The following PLXDC2 variants were observed in gnomAD, a reference collection of about 807,000 sequenced individuals.
PLXDC2 encodes the protein plexin domain-containing protein 2.
Under a neutral mutation model 68.9 loss-of-function variants are expected in PLXDC2, and 40 were observed. The observed-to-expected ratio is 0.58, with a 90% CI of 0.45 to 0.76. The LOEUF is 0.76. PLXDC2 is among the 30% of genes least tolerant of loss of function. The pLI is 0.00. For synonymous variants in PLXDC2, 243 were observed against 234.2 expected (o/e 1.04, Z -0.34); for missense variants, 644 against 661.9 (o/e 0.97, Z 0.30).
chr10:20,164,964 C>T (rs143868531), intron 7 of PLXDC2, among the ~76,000 whole-genome samples: 56 of 152,090 alleles, frequency 3.7e-4, no homozygotes, highest in African/African-American at 1.3e-3. Context: ...CACGGGCATG[C>T]GCTATCATGC....
intron 3 of PLXDC2, among the ~76,000 whole-genome samples, chr10:20,053,308 T>C (rs1835936004): frequency 6.6e-6 from 1 of 152,146 alleles, no homozygotes; most frequent in African/African-American, 2.4e-5. Flanking sequence ...AAACAGATGC[T>C]AAAACCTAAG....
intron 9 of PLXDC2, among the ~76,000 whole-genome samples, chr10:20,205,230 TG>T (rs1478143903): frequency 6.6e-6 from 1 of 152,116 alleles, no homozygotes; most frequent in South Asian, 2.1e-4. Flanking sequence ...GTATGTTCCC[TG>T]GGGGCTTTGA....
chr10:19,823,185 G>A (rs79141601), intron 1 of PLXDC2, among the ~76,000 whole-genome samples: 9,401 of 151,792 alleles, frequency 0.062, 360 homozygotes, highest in East Asian at 0.11. Context: ...CAAAGTGCTG[G>A]GATGTTTACT....
intron 1 of PLXDC2, among the ~76,000 whole-genome samples, chr10:19,839,259 T>C (rs894476788): frequency 2.6e-5 from 4 of 152,012 alleles, no homozygotes; most frequent in African/African-American, 9.7e-5. Context: ...TCTAGAAAGC[T>C]TGTCCAACCC....
intron 13 of PLXDC2, among the ~76,000 whole-genome samples, chr10:20,256,333 A>G (rs1206491149): frequency 6.6e-6 from 1 of 151,528 alleles, no homozygotes; most frequent in Admixed American, 6.6e-5. Flanking sequence ...GGATTTTACC[A>G]TGTTGGCCAG....
chr10:20,053,758 A>C (rs957386662), intron 3 of PLXDC2, among the ~76,000 whole-genome samples: 1 of 152,074 alleles, frequency 6.6e-6, no homozygotes, highest in Non-Finnish European at 1.5e-5. Context: ...CAGTGTTTGA[A>C]GTTAGGAGAC....
intron 9 of PLXDC2, among the ~76,000 whole-genome samples, chr10:20,178,128 A>G (rs1051812095): frequency 2.6e-5 from 4 of 152,174 alleles, no homozygotes; most frequent in African/African-American, 4.8e-5. Flanking sequence ...TTTCTATGCA[A>G]TATCTCAAAG....
chr10:20,148,178 G>A (rs559451199), intron 6 of PLXDC2, among the ~76,000 whole-genome samples: 1 of 151,944 alleles, frequency 6.6e-6, no homozygotes, highest in South Asian at 2.1e-4. Flanking sequence ...AGTAATTAGA[G>A]TGAAATGTCT....
intron 12 of PLXDC2, among the ~76,000 whole-genome samples, chr10:20,232,133 A>C (rs1486785086): frequency 6.6e-6 from 1 of 152,252 alleles, no homozygotes; most frequent in Admixed American, 6.5e-5. Flanking sequence ...AGAAAATATA[A>C]ATAACTCCTA....
intron 6 of PLXDC2, among the ~76,000 whole-genome samples, chr10:20,149,311 T>C (rs1161748959): frequency 1.6e-5 from 2 of 128,312 alleles, no homozygotes; most frequent in Non-Finnish European, 3.2e-5. Context: ...AGATCTTGCC[T>C]CACCATAACC....
intron 13 of PLXDC2, among the ~76,000 whole-genome samples, chr10:20,257,997 C>CTTT (rs550997528): frequency 4.0e-3 from 335 of 83,772 alleles, no homozygotes; most frequent in Non-Finnish European, 5.0e-3. Flanking sequence ...TTTTTTCTTT[C>CTTT]TTTTTTTTTT....
At chr10:20,260,715 A>G (rs980928961) in intron 13 of PLXDC2, among the ~76,000 whole-genome samples, 2 of 152,230 alleles carry the variant, frequency 1.3e-5, no homozygotes, top group African/African-American at 4.8e-5. Flanking sequence ...TATATCCAGC[A>G]GTGAGGTTGC....
chr10:20,272,182 T>C (rs1300863976), intron 13 of PLXDC2, among the ~76,000 whole-genome samples: 1 of 152,176 alleles, frequency 6.6e-6, no homozygotes, highest in African/African-American at 2.4e-5. Flanking sequence ...AAAATGAGCC[T>C]CAGAAGGAAA....
intron 4 of PLXDC2, among the ~76,000 whole-genome samples, chr10:20,105,603 T>C (rs890760444): frequency 2.6e-5 from 4 of 152,212 alleles, no homozygotes; most frequent in Non-Finnish European, 5.9e-5. Flanking sequence ...ATTCACAAAG[T>C]GGATTGTCAA....
intron 1 of PLXDC2, among the ~76,000 whole-genome samples, chr10:19,916,540 A>G (rs1366938280): frequency 6.6e-6 from 1 of 152,148 alleles, no homozygotes; most frequent in Non-Finnish European, 1.5e-5. Context: ...TACAATGGTA[A>G]TGGTAGCCAA....
chr10:20,042,168 C>T (rs1835694664), intron 2 of PLXDC2, among the ~76,000 whole-genome samples: 1 of 152,076 alleles, frequency 6.6e-6, no homozygotes, highest in South Asian at 2.1e-4. Context: ...GTAGTGGGTT[C>T]ATCTCTGTAA....
At chr10:20,157,633 GAC>G (rs1834234381) in intron 6 of PLXDC2, among the ~76,000 whole-genome samples, 1 of 152,152 alleles carries the variant, frequency 6.6e-6, no homozygotes, top group African/African-American at 2.4e-5. Context: ...TTCTGTCTTT[GAC>G]TCTCCTTCCA....
chr10:20,227,550 A>G lies in PLXDC2; in HGVS notation c.1312+8448A>G, dbSNP rs1436159997. On this transcript the variant is annotated intron_variant, in intron 12 of 13. Coordinates refer to ENST00000377252, the MANE Select transcript of PLXDC2 (RefSeq NM_032812.9). ...TTTGATTTTCCTGGGGTAAAGTTATATACATAGTGCTTTAAGGCTGGTGAG... is the reference window on the plus strand; with the variant it reads ...TTTGATTTTCCTGGGGTAAAGTTATGTACATAGTGCTTTAAGGCTGGTGAG... Among the ~76,000 whole-genome samples, 4 of 152,124 alleles carry G rather than the reference A, an allele frequency of 2.6e-5. No individual in the cohort carries two copies. The East Asian group carries it at 5.8e-4, about 22-fold the overall frequency.
At chr10:19,955,106 G>C (rs1292784419) in intron 1 of PLXDC2, among the ~76,000 whole-genome samples, 1 of 133,422 alleles carries the variant, frequency 7.5e-6, no homozygotes, top group Non-Finnish European at 1.5e-5. Flanking sequence ...TCCTGAGACA[G>C]GGTCTTGTTC....
Sources: gnomAD v4.1 joint callset for allele counts (sites outside exome capture counted in the v4.1 genomes callset) on GRCh38, gnomAD v4.1.1 for gene constraint, MANE v1.5 for transcripts, NCBI Gene and HGNC (gene_info 2026-07-23, HGNC 2026-07-21) for gene names.